POLR2F: variants seen among roughly 807,000 people sequenced by gnomAD.
The protein encoded by POLR2F is DNA-directed RNA polymerases I, II, and III subunit RPABC2.
A neutral mutation model predicts 22.7 loss-of-function variants in POLR2F; 12 were observed. The ratio of observed to expected loss-of-function variants is 0.53; its 90% CI spans 0.34 to 0.86. POLR2F has a LOEUF of 0.86. Ranked by LOEUF, POLR2F falls within the 40% of genes least tolerant of loss-of-function variation. The probability of loss-of-function intolerance (pLI) is 0.02; values close to 1 mark genes in which losing one functional copy is unlikely to be tolerated. For missense variants in POLR2F, 126 were observed against 171.5 expected (o/e 0.73, Z 1.48); for synonymous variants, 57 against 66.0 (o/e 0.86, Z 0.66).
At position 37,977,936 on chromosome 22, in the gene POLR2F, C is replaced by T. The variant is rs774135262; in HGVS notation, c.293+10766C>T. The T allele has an allele frequency of 1.4e-5, 22 of 1,612,758 alleles. No homozygotes were observed. The highest frequency in any genetic ancestry group is 3.3e-5 in the South Asian group (3 of 91,060). ...CCTGGGTGCCGGTGGTCCAAGTGGGCGCTCTTGTAGTGGGCCTGGATGGCG... is the reference window on the plus strand; with the variant it reads ...CCTGGGTGCCGGTGGTCCAAGTGGGTGCTCTTGTAGTGGGCCTGGATGGCG... On this transcript the variant is annotated intron_variant, in intron 4 of 4. Transcript: ENST00000405557.
chr22:37,995,591 C>G (rs1259543183), intron 1 of POLR2F, among the ~76,000 whole-genome samples: 2 of 152,176 alleles, frequency 1.3e-5, no homozygotes, highest in Admixed American at 1.3e-4. Context: ...ACAAGGATGT[C>G]TACTTCATGA....
intron 5 of POLR2F, among the ~76,000 whole-genome samples, chr22:38,038,477 G>C (rs745947385): frequency 6.6e-6 from 1 of 152,062 alleles, no homozygotes; most frequent in Non-Finnish European, 1.5e-5. Flanking sequence ...GGAGCCACCC[G>C]GGCACAGGAT....
intron 1 of POLR2F, among the ~76,000 whole-genome samples, chr22:38,012,248 A>C (rs939373271): frequency 6.6e-6 from 1 of 151,936 alleles, no homozygotes; most frequent in Non-Finnish European, 1.5e-5. Context: ...TGCCCAGCTA[A>C]TTTTTGTATT....
intron 1 of POLR2F, among the ~76,000 whole-genome samples, chr22:37,994,413 T>C (rs1177185085): frequency 6.6e-6 from 1 of 152,214 alleles, no homozygotes; most frequent in African/African-American, 2.4e-5. Flanking sequence ...AGGGGTGCCA[T>C]CACGGCTCAC....
upstream of POLR2F, among the ~76,000 whole-genome samples, chr22:37,984,767 G>A (rs1282891715): frequency 6.6e-6 from 1 of 152,162 alleles, no homozygotes; most frequent in Non-Finnish European, 1.5e-5. This position sits in a 1 kb window ranked among gnomAD's most constrained non-coding sequence, Gnocchi z 4.4. Context: ...CTTAGTCTGG[G>A]AGGTGGAGGG....
rs1049652182 is a variant in POLR2F, at chr22:38,017,126, CAT to C, written c.121-8742_121-8741del. Among the ~76,000 whole-genome samples, 4 of 152,202 alleles carry C rather than the reference CAT, an allele frequency of 2.6e-5. No individual in the cohort carries two copies. The highest frequency in any genetic ancestry group is 7.2e-5 in the African/African-American group (3 of 41,456). On this transcript the variant is annotated intron_variant, in intron 1 of 2. Coordinates refer to the POLR2F transcript ENST00000333418. This position sits in a 1 kb window ranked among gnomAD's most constrained non-coding sequence, Gnocchi z 4.1. ...TGCCAGGGTCTGGGGTCTGCATCCT[CAT>C]GTGCCCTGGGCTTGCTGTGCCACCC... is the stretch of plus-strand genomic sequence containing the variant.
intron 1 of POLR2F, among the ~76,000 whole-genome samples, chr22:37,994,089 C>T (rs981812211): frequency 1.3e-5 from 2 of 152,190 alleles, no homozygotes; most frequent in African/African-American, 2.4e-5. Flanking sequence ...GTTAATGCCC[C>T]GCATTTTCCA....
At chr22:38,029,675 G>A (rs571275515), downstream of POLR2F, among the ~76,000 whole-genome samples, 4 of 152,328 alleles carry the variant, frequency 2.6e-5, no homozygotes, top group Admixed American at 1.3e-4. Flanking sequence ...TACCTGTGAA[G>A]CAGTGACCAG....
chr22:38,017,008 C>T lies in POLR2F; in HGVS notation c.121-8861C>T, dbSNP rs545799050. 4.6e-5 allele frequency among the ~76,000 whole-genome samples: 7 copies of T among 152,184 alleles called. No individual in the cohort carries two copies. Among genetic ancestry groups the T allele is most frequent in the Admixed American group, 4.6e-4 (7 of 15,302 alleles). On this transcript the variant is annotated intron_variant, in intron 1 of 2. Transcript: ENST00000333418. This position sits in a 1 kb window ranked among gnomAD's most constrained non-coding sequence, Gnocchi z 4.1. ...GGGCAGCGCAAGGGGCCAGCCAGCC[C>T]CCCACCCCAGCCTCTGCTGCCTGGC...
At chr22:38,033,168 AG>A (rs1342143043) in intron 5 of POLR2F, 1 of 154,992 alleles carries the variant, frequency 6.5e-6, no homozygotes, top group Non-Finnish European at 1.5e-5. Context: ...TAAAAAAAAA[AG>A]AAAGAAAAAA....
intron 1 of POLR2F, among the ~76,000 whole-genome samples, chr22:37,995,065 T>C (rs58018752): frequency 0.03 from 4,621 of 152,280 alleles, 231 homozygotes; most frequent in African/African-American, 0.11. Flanking sequence ...AGGAGCTGCT[T>C]CCGACTCTGC....
chr22:37,972,172 G>A, downstream of POLR2F: 1 of 928,628 alleles, frequency 1.1e-6, no homozygotes. Flanking sequence ...TGGGGAAAGA[G>A]GGAGGGAGGT....
chr22:38,025,998 G>A lies in POLR2F; in HGVS notation c.252G>A (p.Trp84Ter), dbSNP rs756762312. Residue 84 changes from tryptophan (W) to a stop codon, truncating the protein, a stop_gained, in exon 2 of 3, where the codon TGG becomes TGA. Coordinates refer to the POLR2F transcript ENST00000333418. LOFTEE classifies it high-confidence loss of function. ...AGAATGTGCTCCTCAGAGGGCCCTGGAATCTTCCCCTCGTGCACTTGGGTT... is the reference window on the plus strand; with the variant it reads ...AGAATGTGCTCCTCAGAGGGCCCTGAAATCTTCCCCTCGTGCACTTGGGTT... 82 of 568,834 alleles carry A rather than the reference G, an allele frequency of 1.4e-4. No homozygotes were observed. The Admixed American group carries it at 1.6e-3, about 11-fold the overall frequency. The allele number at this position is 568,834 out of a possible 1,614,324, so 35.2% of individuals were successfully genotyped here. A position where few individuals can be genotyped will look rare whatever the true frequency, so the allele number is the denominator to read the frequency against.
chr22:38,011,212 C>T (rs1052343771), intron 1 of POLR2F, among the ~76,000 whole-genome samples: 1 of 152,108 alleles, frequency 6.6e-6, no homozygotes, highest in African/African-American at 2.4e-5. Flanking sequence ...AGTGATCCTC[C>T]CACCTCAGCC....
chr22:38,035,770 G>A lies in POLR2F; in HGVS notation c.453-5298G>A, dbSNP rs966035579. Among the ~76,000 whole-genome samples the A allele has an allele frequency of 2.0e-5, 3 of 152,312 alleles. No individual in the cohort carries two copies. In the South Asian group the frequency reaches 6.2e-4, roughly 32 times the overall value. Reference sequence around the variant, plus strand: ...AGGGGAAGCCCTGGCGGGAGCGGGTGGGAGGTGCTGCCCCTTCCCAGCTGG... The same window carrying A: ...AGGGGAAGCCCTGGCGGGAGCGGGTAGGAGGTGCTGCCCCTTCCCAGCTGG... On this transcript the variant is annotated intron_variant, in intron 5 of 5. Transcript: ENST00000407936.
rs560817248 is a variant in POLR2F at position 38,004,528 on chromosome 22, ATGGCAGGCAGTCCTGATTTAAC to A, written c.120+18220_120+18241del. Among the ~76,000 whole-genome samples the A allele has an allele frequency of 2.6e-3, 392 of 152,268 alleles. 1 individual carries two copies. Among genetic ancestry groups the A allele is most frequent in the African/African-American group, 9.2e-3 (384 of 41,552 alleles). ...CATGACTGCCAGAATGGAGCAAGAG[ATGGCAGGCAGTCCTGATTTAAC>A]TGGAATCTGAAGAATCCATACATGC... On this transcript the variant is annotated intron_variant, in intron 1 of 2. Coordinates refer to the POLR2F transcript ENST00000333418.
chr22:38,012,185 G>A (rs547080317), intron 1 of POLR2F, among the ~76,000 whole-genome samples: 4 of 151,340 alleles, frequency 2.6e-5, no homozygotes, highest in South Asian at 2.1e-4. Flanking sequence ...GGGTTCAAGC[G>A]ATTCTTGTGC....
chr22:37,971,317 G>A (rs373482893), downstream of POLR2F: 69 of 470,972 alleles, frequency 1.5e-4, no homozygotes, highest in African/African-American at 8.6e-4. Context: ...TTGAGATAAC[G>A]ATCGGACCTA....
At chr22:37,964,572 C>CT (rs11428366) in intron 3 of POLR2F, among the ~76,000 whole-genome samples, 78,524 of 131,202 alleles carry the variant, frequency 0.6, 23,713 homozygotes, top group East Asian at 0.76. Context: ...TTCTTTCTTT[C>CT]TTTTTTTTTT....
Sources: allele counts gnomAD v4.1 joint callset (sites outside exome capture counted in the v4.1 genomes callset), GRCh38; gene constraint gnomAD v4.1.1; non-coding constraint Gnocchi (gnomAD v3.1); transcripts MANE v1.5; gene names NCBI Gene and HGNC (gene_info 2026-07-23, HGNC 2026-07-21).